Variants in BICC1 observed in about 807,000 individuals in gnomAD.
BICC1 encodes BicC family RNA binding protein 1, also known as protein bicaudal C homolog 1.
A neutral mutation model predicts 111.0 loss-of-function variants in BICC1; 43 were observed. That is an observed-to-expected ratio of 0.39 (90% CI 0.30 to 0.50). The LOEUF is 0.50. BICC1 is among the 20% of genes least tolerant of loss of function. BICC1 has a pLI of 0.88. For missense variants in BICC1, 1,091 were observed against 1,203.2 expected (o/e 0.91, Z 1.38); for synonymous variants, 467 against 434.4 (o/e 1.07, Z -0.93).
At chr10:58,769,481 C>G (rs765193987) in intron 3 of BICC1, among the ~76,000 whole-genome samples, 5 of 146,752 alleles carry the variant, frequency 3.4e-5, no homozygotes, top group Non-Finnish European at 7.5e-5. Flanking sequence ...CACTCCTAAG[C>G]TTGAAAACTC....
At chr10:58,682,136 C>T (rs781025957) in intron 2 of BICC1, among the ~76,000 whole-genome samples, 29 of 151,360 alleles carry the variant, frequency 1.9e-4, no homozygotes, top group Non-Finnish European at 3.4e-4. Flanking sequence ...TCTGTCCTGG[C>T]GATAGTTTGC....
In BICC1 at chr10:58,800,340, C is replaced by T. The variant is rs1843503624; in HGVS notation, c.1858+14C>T. ...GCCCCACTGAAGGTCGGGAACTGTACCCTTCTGAAATTCATTTTGGTTGTT... is the reference window on the plus strand; with the variant it reads ...GCCCCACTGAAGGTCGGGAACTGTATCCTTCTGAAATTCATTTTGGTTGTT... On this transcript the variant is annotated intron_variant, in intron 13 of 20. Transcript: ENST00000373886. 6.2e-7 allele frequency: 1 copy of T among 1,610,096 alleles called. No individual in the cohort carries two copies. The highest frequency in any genetic ancestry group is 1.7e-5 in the Admixed American group (1 of 59,478).
At chr10:58,557,894 G>A (rs968672174) in intron 1 of BICC1, among the ~76,000 whole-genome samples, 2 of 151,912 alleles carry the variant, frequency 1.3e-5, no homozygotes, top group African/African-American at 4.8e-5. Flanking sequence ...TTTGATTAGA[G>A]GCCAGACATT....
chr10:58,514,416 C>G (rs549799017), intron 1 of BICC1, among the ~76,000 whole-genome samples: 3 of 152,174 alleles, frequency 2.0e-5, no homozygotes, highest in African/African-American at 7.2e-5. Context: ...GCATAACTTA[C>G]TTTGACTTTA....
In BICC1 at chr10:58,770,515, T is replaced by C. The variant is rs902514732; in HGVS notation, c.308-14486T>C. On this transcript the variant is annotated intron_variant, in intron 3 of 20. Coordinates refer to ENST00000373886, the MANE Select transcript of BICC1 (RefSeq NM_001080512.3). ...TCTCTACTAATCTGAGAATAAGAAT[T>C]ATATGTTTGGATTCCCTTGATCATA... Among the ~76,000 whole-genome samples the C allele has an allele frequency of 3.9e-5, 6 of 152,222 alleles. No individual in the cohort carries two copies. In the East Asian group the frequency reaches 1.2e-3, roughly 29 times the overall value.
chr10:58,703,490 C>T (rs929261127), intron 3 of BICC1, among the ~76,000 whole-genome samples: 14 of 152,022 alleles, frequency 9.2e-5, no homozygotes, highest in East Asian at 3.9e-4. Flanking sequence ...TTATCATGGG[C>T]GGCAAGGAAT....
chr10:58,605,037 C>T (rs1366516174), intron 1 of BICC1, among the ~76,000 whole-genome samples: 1 of 152,088 alleles, frequency 6.6e-6, no homozygotes, highest in African/African-American at 2.4e-5. Flanking sequence ...CCCAAGGGCC[C>T]CACCTCCTAA....
chr10:58,805,908 A>G (rs1056520608), intron 15 of BICC1, among the ~76,000 whole-genome samples: 27 of 152,242 alleles, frequency 1.8e-4, no homozygotes, highest in African/African-American at 4.8e-4. Flanking sequence ...TAGTCCTCAC[A>G]TACACTTGAC....
intron 1 of BICC1, among the ~76,000 whole-genome samples, chr10:58,524,644 TG>T (rs1842481568): frequency 6.6e-6 from 1 of 151,210 alleles, no homozygotes; most frequent in South Asian, 2.1e-4. Flanking sequence ...TCAGGACATA[TG>T]CATGGGCAAG....
At chr10:58,823,820 T>C (rs1468011165) in intron 20 of BICC1, 1 of 985,208 alleles carries the variant, frequency 1.0e-6, no homozygotes, top group Non-Finnish European at 1.2e-6. Context: ...TCATTTATTC[T>C]TAACGCTTCT....
At chr10:58,764,629 CTTTTTTT>C (rs11366847) in intron 3 of BICC1, among the ~76,000 whole-genome samples, 1 of 117,584 alleles carries the variant, frequency 8.5e-6, no homozygotes, top group Non-Finnish European at 1.8e-5. Flanking sequence ...TAATTTCCTT[CTTTTTTT>C]TTTTTTTTTT....
At chr10:58,719,440 C>G (rs1382872260) in intron 3 of BICC1, among the ~76,000 whole-genome samples, 2 of 152,192 alleles carry the variant, frequency 1.3e-5, no homozygotes, top group Non-Finnish European at 2.9e-5. Flanking sequence ...ACACACACCT[C>G]CAGATGGAGC....
At chr10:58,817,955 C>G (rs1387544410) in intron 19 of BICC1, among the ~76,000 whole-genome samples, 2 of 152,102 alleles carry the variant, frequency 1.3e-5, no homozygotes, top group Non-Finnish European at 2.9e-5. Context: ...TGTACAATAG[C>G]TGTCTAACAG....
At chr10:58,600,571 T>C (rs1446432411) in intron 1 of BICC1, among the ~76,000 whole-genome samples, 4 of 152,190 alleles carry the variant, frequency 2.6e-5, no homozygotes, top group Non-Finnish European at 2.9e-5. Flanking sequence ...TAGTTAGATA[T>C]ATGAGTGAAT....
At chr10:58,659,030 C>G (rs1387126910) in intron 2 of BICC1, among the ~76,000 whole-genome samples, 1 of 152,020 alleles carries the variant, frequency 6.6e-6, no homozygotes, top group Non-Finnish European at 1.5e-5. Context: ...ATGACTAATT[C>G]TATATGTGTC....
intron 2 of BICC1, among the ~76,000 whole-genome samples, chr10:58,623,485 A>G (rs1845890837): frequency 6.6e-6 from 1 of 152,212 alleles, no homozygotes; most frequent in Non-Finnish European, 1.5e-5. Context: ...CAAACACAAT[A>G]AAGGATAAAA....
chr10:58,789,127 G>T, intron 6 of BICC1, 135 bp from the exon 7 acceptor site: 1 of 674,552 alleles, frequency 1.5e-6, no homozygotes, highest in Non-Finnish European at 2.4e-6. Context: ...TTTATATAAT[G>T]TAGCTAAACT....
intron 1 of BICC1, among the ~76,000 whole-genome samples, chr10:58,619,831 C>CA (rs1367425938): frequency 5.9e-5 from 9 of 152,228 alleles, no homozygotes; most frequent in Admixed American, 5.9e-4. Context: ...TGCTCTGCCA[C>CA]ATTTCTTGGG....
chr10:58,612,322 T>C (rs1845453723), intron 1 of BICC1, among the ~76,000 whole-genome samples: 1 of 152,228 alleles, frequency 6.6e-6, no homozygotes, highest in Admixed American at 6.5e-5. Context: ...AGAAACTGCA[T>C]CTTCTACATC....
Sources: allele counts gnomAD v4.1 joint callset (sites outside exome capture counted in the v4.1 genomes callset), GRCh38; gene constraint gnomAD v4.1.1; transcripts MANE v1.5; gene names NCBI Gene and HGNC (gene_info 2026-07-23, HGNC 2026-07-21).